The following SLC4A2 variants were observed in gnomAD, a reference collection of about 807,000 sequenced individuals.
SLC4A2 encodes the protein anion exchange protein 2.
In SLC4A2, 36 loss-of-function variants were observed where a neutral mutation model predicts 115.0. The observed-to-expected ratio is 0.31, with a 90% CI of 0.24 to 0.41. SLC4A2 has a LOEUF of 0.41. SLC4A2 is among the 10% of genes least tolerant of loss of function. The pLI is 1.00. For missense variants in SLC4A2, 1,252 were observed against 1,705.6 expected (o/e 0.73, Z 4.68); for synonymous variants, 708 against 708.3 (o/e 1.00, Z 0.01).
In SLC4A2 at chr7:151,060,495, C is replaced by G. The variant is rs1797009587; in HGVS notation, c.-64+733C>G. On this transcript the variant is annotated intron_variant, in intron 1 of 22. Transcript: ENST00000413384. The surrounding 1 kb of genome is among the most constrained non-coding windows in gnomAD (Gnocchi z 5.9). ...TTGGTCAAGGGGAGAGATACTAATCCTCTGGGCCGGTCGGGGCTGGTCCCG... is the reference window on the plus strand; with the variant it reads ...TTGGTCAAGGGGAGAGATACTAATCGTCTGGGCCGGTCGGGGCTGGTCCCG... 1.3e-5 allele frequency among the ~76,000 whole-genome samples: 2 copies of G among 152,178 alleles called. No homozygotes were observed. Among genetic ancestry groups the G allele is most frequent in the African/African-American group, 4.8e-5 (2 of 41,428 alleles).
At chr7:151,069,253 C>T (rs979714960) in intron 8 of SLC4A2, among the ~76,000 whole-genome samples, 6 of 150,976 alleles carry the variant, frequency 4.0e-5, no homozygotes, top group African/African-American at 1.2e-4. Context: ...GGTAAAGGGC[C>T]GCCGTGGAAG....
In SLC4A2 at chr7:151,062,012, G is replaced by C; in HGVS notation, c.25G>C (p.Ala9Pro). 6.2e-7 allele frequency: 1 copy of C among 1,610,576 alleles called. No homozygotes were observed. Among genetic ancestry groups the C allele is most frequent in the Non-Finnish European group, 8.5e-7 (1 of 1,179,694 alleles). The change falls in exon 2 of 23, where the codon GCC (alanine) becomes CCC (proline). Residue 9 changes from alanine (A) to proline (P), a missense_variant. By Grantham distance (27) the Ala-to-Pro change is conservative. Around this residue, in one of 14 missense-constraint regions of SLC4A2, gnomAD observed 74 missense variants for 85.3 expected, o/e 0.87. Transcript: ENST00000413384. MSSAPRRPAKGADSFCTPE... is the reference protein window; with the variant it reads MSSAPRRPPKGADSFCTPE... The stretch of plus-strand genomic sequence containing the variant: ...CATGAGCAGCGCCCCTCGGCGCCCC[G>C]CCAAGGGCGCAGATTCTTTCTGTAC...
Position 151,064,668 on chromosome 7 carries a change from C to T in SLC4A2, c.360C>T (p.Thr120=). Residue 120 remains threonine, a synonymous_variant, in exon 4 of 23, where the codon ACC becomes ACT. Transcript: ENST00000413384. ...PGASPTGETP[T]IEEGEEDEDE... ...CCTCCCCGACTGGAGAAACCCCGAC[C>T]ATTGAGGAGGGGGAGGAAGATGAGG... is the stretch of plus-strand genomic sequence containing the variant. The T allele has an allele frequency of 6.2e-7, 1 of 1,613,800 alleles. No homozygotes were observed. Among genetic ancestry groups the T allele is most frequent in the Non-Finnish European group, 8.5e-7 (1 of 1,179,834 alleles).
chr7:151,066,114 G>A (rs1437735551), intron 5 of SLC4A2, among the ~76,000 whole-genome samples: 1 of 152,176 alleles, frequency 6.6e-6, no homozygotes, highest in African/African-American at 2.4e-5. Context: ...GGGTGAGGGG[G>A]CAGGGGGATG....
rs1190005758 is a variant in SLC4A2 at position 151,066,532 on chromosome 7, G to A, written c.594G>A (p.Glu198=). The A allele has an allele frequency of 6.7e-6, 10 of 1,503,710 alleles. No individual in the cohort carries two copies. Among genetic ancestry groups the A allele is most frequent in the Non-Finnish European group, 8.8e-6 (10 of 1,133,810 alleles). The allele number at this position is 1,503,710 out of a possible 1,614,324, so 93.1% of individuals were successfully genotyped here. A position where few individuals can be genotyped will look rare whatever the true frequency, so the allele number is the denominator to read the frequency against. ...GTCTGCCTAGAACCCAGGTGGAGGA[G>A]GCGGAGGCGGAGGCGGTGGCGGTGG... The part of the protein sequence containing the change: ...KGAQAGTQVE[E]AEAEAVAVAS... Residue 198 remains glutamate (E), a synonymous_variant, in exon 6 of 23, where the codon GAG becomes GAA. Coordinates refer to ENST00000413384, the MANE Select transcript of SLC4A2 (RefSeq NM_003040.4).
At chr7:151,063,038 C>T (rs1337515135) in intron 2 of SLC4A2, 4 of 1,469,712 alleles carry the variant, frequency 2.7e-6, no homozygotes, top group Non-Finnish European at 1.8e-6. Flanking sequence ...TATTTGGCGG[C>T]GCCTGGAGCT....
intron 7 of SLC4A2, 29 bp from the exon 8 acceptor site, chr7:151,067,845 C>A (rs1207479926): frequency 6.2e-7 from 1 of 1,608,736 alleles, no homozygotes; most frequent in Admixed American, 1.7e-5. Context: ...GGCTCTGTAC[C>A]CTGAAATGCC....
At chr7:151,070,986 C>T (rs1162373792) in intron 12 of SLC4A2, 75 bp downstream of exon 12, 18 of 1,589,450 alleles carry the variant, frequency 1.1e-5, no homozygotes, top group Admixed American at 1.7e-5. Flanking sequence ...ATGACTGCCT[C>T]CCACCCACTG....
chr7:151,069,546 C>T (rs921325544), intron 8 of SLC4A2, among the ~76,000 whole-genome samples: 3 of 152,172 alleles, frequency 2.0e-5, no homozygotes, highest in Non-Finnish European at 4.4e-5. Context: ...AACTAGGCCC[C>T]TAGAGTGACA....
At position 151,069,940 on chromosome 7, in the gene SLC4A2, A is replaced by T. The variant is rs747647186; in HGVS notation, c.1148-7A>T. 6.2e-7 allele frequency: 1 copy of T among 1,613,708 alleles called. No homozygotes were observed. The highest frequency in any genetic ancestry group is 8.5e-7 in the Non-Finnish European group (1 of 1,179,982). ...GCTGAGGGGCCCTCTGTGCCATCTT[A>T]TGCTAGGGGCTGTGCTCTTGGATCT... On this transcript the variant is annotated splice_polypyrimidine_tract_variant and splice_region_variant and intron_variant, in intron 8 of 22. Coordinates refer to ENST00000413384, the MANE Select transcript of SLC4A2 (RefSeq NM_003040.4).
intron 19 of SLC4A2, 51 bp from the exon 20 acceptor site, chr7:151,075,204 C>G: frequency 6.2e-7 from 1 of 1,605,520 alleles, no homozygotes; most frequent in Non-Finnish European, 8.5e-7. Context: ...ACCCTGTGGT[C>G]TGCGGAGCTG....
At position 151,071,570 on chromosome 7, in the gene SLC4A2, C is replaced by T. The variant is rs1797441431; in HGVS notation, c.2156C>T (p.Ala719Val). 6.2e-7 allele frequency: 1 copy of T among 1,613,936 alleles called. No homozygotes were observed. The highest frequency in any genetic ancestry group is 1.3e-5 in the African/African-American group (1 of 74,904). Residue 719 changes from alanine to valine, a missense_variant, in exon 14 of 23, where the codon GCC (alanine) becomes GTC (valine). By Grantham distance (64) the Ala-to-Val change is moderately conservative. Coordinates refer to ENST00000413384, the MANE Select transcript of SLC4A2 (RefSeq NM_003040.4). This position sits in a 1 kb window ranked among gnomAD's most constrained non-coding sequence, Gnocchi z 5.5. ...LAAVIFIYFA[A>V]LSPAITFGGL... ...GCAGTCATCTTCATCTACTTTGCCG[C>T]CCTGTCTCCTGCCATCACCTTTGGG... is the stretch of plus-strand genomic sequence containing the variant.
chr7:151,074,583 C>T (rs760681366), intron 18 of SLC4A2, 92 bp from the exon 19 acceptor site: 256 of 1,581,882 alleles, frequency 1.6e-4, no homozygotes, highest in Non-Finnish European at 2.1e-4. Flanking sequence ...TGTCCTTAAG[C>T]TTAAGCCTGT....
intron 2 of SLC4A2, chr7:151,063,324 T>A (rs1797120957): frequency 1.4e-6 from 1 of 697,854 alleles, no homozygotes; most frequent in East Asian, 3.4e-5. Flanking sequence ...GCTGGGTTTG[T>A]TTGACTCGGA....
chr7:151,071,224 C>T lies in SLC4A2; in HGVS notation c.1902C>T (p.Leu634=). Residue 634 remains leucine (L), a synonymous_variant, in exon 13 of 23, where the codon CTC becomes CTT. Transcript: ENST00000413384. The surrounding 1 kb of genome is among the most constrained non-coding windows in gnomAD (Gnocchi z 5.5). ...RSVAHFQRQM[L]KKREEQGRLL... Reference sequence around the variant, plus strand: ...TGGCCCACTTCCAGCGCCAGATGCTCAAGAAGCGAGAGGAGCAGGGCCGGC... The same window carrying T: ...TGGCCCACTTCCAGCGCCAGATGCTTAAGAAGCGAGAGGAGCAGGGCCGGC... 1 of 1,590,584 alleles carries T rather than the reference C, an allele frequency of 6.3e-7. No individual in the cohort carries two copies.
At chr7:151,072,960 G>A (rs1038970473) in intron 16 of SLC4A2, among the ~76,000 whole-genome samples, 3 of 152,036 alleles carry the variant, frequency 2.0e-5, no homozygotes, top group African/African-American at 7.2e-5. Flanking sequence ...ACTGCACCCA[G>A]CCAAAAACTC....
At chr7:151,064,175 G>A (rs1466537096) in intron 2 of SLC4A2, 27 bp from the exon 3 acceptor site, 3 of 1,608,164 alleles carry the variant, frequency 1.9e-6, no homozygotes, top group African/African-American at 1.3e-5. Flanking sequence ...AGCCCTGTGT[G>A]TTTTCTCTCT....
intron 2 of SLC4A2, chr7:151,063,199 G>A: frequency 7.1e-7 from 1 of 1,416,106 alleles, no homozygotes; most frequent in Non-Finnish European, 9.2e-7. Context: ...GGTGGGGGCT[G>A]TGGGGGTGGG....
In SLC4A2 at chr7:151,070,231, G is replaced by C; in HGVS notation, c.1334G>C (p.Gly445Ala). The C allele has an allele frequency of 1.2e-6, 2 of 1,614,068 alleles. No homozygotes were observed. The highest frequency in any genetic ancestry group is 1.3e-5 in the African/African-American group (1 of 75,056). The change falls in exon 10 of 23, where the codon GGC becomes GCC. Residue 445 changes from glycine (G) to alanine (A), a missense_variant. Transcript: ENST00000413384. ...TCCTTCCCCCGCAACATCTCAGCTG[G>C]CTCCCTGGGCTCCCTGCTGGGGCAT... ...DFSFPRNISA[G>A]SLGSLLGHHH...
Sources: gnomAD v4.1 joint callset for allele counts (sites outside exome capture counted in the v4.1 genomes callset) on GRCh38, gnomAD v4.1.1 for gene constraint, gnomAD v4.1.1 regional missense constraint, Gnocchi (gnomAD v3.1) non-coding constraint, MANE v1.5 for transcripts, NCBI Gene and HGNC (gene_info 2026-07-23, HGNC 2026-07-21) for gene names.